The following FBLN1 variants were observed in gnomAD, a reference collection of about 807,000 sequenced individuals.
FBLN1 encodes fibulin 1.
Under a neutral mutation model 89.7 loss-of-function variants are expected in FBLN1, and 34 were observed. That is an observed-to-expected ratio of 0.38 (90% confidence interval 0.29 to 0.50). The LOEUF (loss-of-function observed/expected upper bound fraction) is 0.50. Among genes scored for constraint, FBLN1 ranks in the 20% least tolerant of loss-of-function variants. The pLI, the probability that FBLN1 is intolerant of heterozygous loss-of-function variation, is 0.92. For missense variants in FBLN1, 777 were observed against 988.1 expected, an observed-to-expected ratio of 0.79 and a Z score of 2.86; for synonymous variants, 393 against 391.3, an observed-to-expected ratio of 1.00 and a Z score of -0.05.
rs141827957 is a variant in FBLN1, at chr22:45,507,132, C to T, written c.79+4068C>T. Among the ~76,000 whole-genome samples the T allele has an allele frequency of 4.6e-5, 7 of 152,190 alleles. No individual in the cohort carries two copies. The East Asian group carries it at 1.2e-3, about 25-fold the overall frequency. Reference sequence around the variant, plus strand: ...TCAGGACTGGCTAAGTCATCTGCCACAAGTCACCCAGCGAGGAGCGGGGCT... The same window carrying T: ...TCAGGACTGGCTAAGTCATCTGCCATAAGTCACCCAGCGAGGAGCGGGGCT... On this transcript the variant is annotated intron_variant, in intron 1 of 16. Transcript: ENST00000327858.
intron 14 of FBLN1, among the ~76,000 whole-genome samples, chr22:45,554,764 G>A (rs1337877881): frequency 3.9e-5 from 6 of 152,314 alleles, no homozygotes; most frequent in South Asian, 4.2e-4. Context: ...CTGGGGCTCC[G>A]CACCTGGGCC....
chr22:45,521,864 GA>G (rs1395122304), intron 2 of FBLN1, among the ~76,000 whole-genome samples: 1 of 152,188 alleles, frequency 6.6e-6, no homozygotes, highest in East Asian at 1.9e-4. Context: ...TGAAGGCAGG[GA>G]AGGGATAGGG....
At chr22:45,565,445 G>T in intron 14 of FBLN1, 1 of 414,018 alleles carries the variant, frequency 2.4e-6, no homozygotes, top group Non-Finnish European at 4.2e-6. Flanking sequence ...CTGTCCCCCT[G>T]CAGACTGCCA....
Position 45,528,007 on chromosome 22 carries a change from C to A in FBLN1, c.482C>A (p.Thr161Lys). Residue 161 changes from threonine to lysine, a missense_variant and splice_region_variant, in exon 4 of 17, where the codon ACG becomes AAG. Physicochemically the swap from Thr to Lys is moderately conservative, Grantham distance 78. Coordinates refer to ENST00000327858, the MANE Select transcript of FBLN1 (RefSeq NM_006486.3). ...TTGGATGTCGGGGGCCTCCAAGAAACGGGTAACTTTCCCCCTTCCTTCCCT... is the reference window on the plus strand; with the variant it reads ...TTGGATGTCGGGGGCCTCCAAGAAAAGGGTAACTTTCCCCCTTCCTTCCCT... Reference protein sequence around the residue: ...GDLDVGGLQETDKIIEVEEEQ... With the variant: ...GDLDVGGLQEKDKIIEVEEEQ... 1.2e-6 allele frequency: 2 copies of A among 1,614,192 alleles called. No homozygotes were observed. The highest frequency in any genetic ancestry group is 1.7e-6 in the Non-Finnish European group (2 of 1,180,012).
chr22:45,520,513 A>G (rs2146953196), intron 2 of FBLN1, among the ~76,000 whole-genome samples: 1 of 152,226 alleles, frequency 6.6e-6, no homozygotes, highest in African/African-American at 2.4e-5. Flanking sequence ...TAACTATGTC[A>G]CCCATTTAAA....
chr22:45,594,808 G>C (rs765408752), intron 16 of FBLN1, among the ~76,000 whole-genome samples: 1 of 151,846 alleles, frequency 6.6e-6, no homozygotes, highest in Non-Finnish European at 1.5e-5. Context: ...ATGGATGGAT[G>C]GTTGGATCCA....
At chr22:45,593,562 T>C (rs1479813015) in intron 16 of FBLN1, among the ~76,000 whole-genome samples, 1 of 152,168 alleles carries the variant, frequency 6.6e-6, no homozygotes, top group African/African-American at 2.4e-5. Flanking sequence ...ACTGTGGCCT[T>C]TTTTTTCTTT....
At chr22:45,571,161 C>G (rs1043710828) in intron 14 of FBLN1, among the ~76,000 whole-genome samples, 4 of 116,908 alleles carry the variant, frequency 3.4e-5, no homozygotes, top group Non-Finnish European at 7.5e-5. Flanking sequence ...GAGGGAAAAA[C>G]AAACTATGAA....
At chr22:45,529,133 G>A (rs2238815) in intron 4 of FBLN1, among the ~76,000 whole-genome samples, 23,505 of 152,160 alleles carry the variant, frequency 0.15, 2,370 homozygotes, top group African/African-American at 0.29. Flanking sequence ...AGGGTCTGAT[G>A]CTGAAGATCG....
Position 45,574,939 on chromosome 22 carries a change from G to A in FBLN1, c.1840+286G>A, listed in dbSNP as rs1172120909. 2.0e-5 allele frequency among the ~76,000 whole-genome samples: 3 copies of A among 151,950 alleles called. No homozygotes were observed. Among genetic ancestry groups the A allele is most frequent in the Non-Finnish European group, 2.9e-5 (2 of 67,980 alleles). On this transcript the variant is annotated intron_variant, in intron 15 of 16. Transcript: ENST00000327858. This position sits in a 1 kb window ranked among gnomAD's most constrained non-coding sequence, Gnocchi z 4.1. ...TGGGACTACAGGCGCCCGCCACCAC[G>A]CCTGGCTAATCTTTTTGTATTTTTA...
intron 2 of FBLN1, among the ~76,000 whole-genome samples, chr22:45,523,912 G>A (rs2088285030): frequency 6.6e-6 from 1 of 152,192 alleles, no homozygotes; most frequent in South Asian, 2.1e-4. Flanking sequence ...AATGCACACG[G>A]GTTCCAGCAT....
chr22:45,592,062 C>T (rs946787472), intron 16 of FBLN1, among the ~76,000 whole-genome samples: 1 of 152,204 alleles, frequency 6.6e-6, no homozygotes, highest in Non-Finnish European at 1.5e-5. Flanking sequence ...AAGATCTGGG[C>T]TCTGAGGTCA....
rs76892684 is a variant in FBLN1, at chr22:45,564,507, G to A, written c.1698-10004G>A. On this transcript the variant is annotated intron_variant, in intron 14 of 16. Transcript: ENST00000327858. ...CTCTGCTGCCTCCGGCCCTTGGTAC[G>A]TGCTTTGCACCCTTGGCCTGAATGT... Among the ~76,000 whole-genome samples, 17 of 152,312 alleles carry A rather than the reference G, an allele frequency of 1.1e-4. No individual in the cohort carries two copies. In the South Asian group the frequency reaches 1.7e-3, roughly 15 times the overall value.
chr22:45,552,294 G>T (rs766741856), intron 14 of FBLN1, among the ~76,000 whole-genome samples: 2 of 152,234 alleles, frequency 1.3e-5, no homozygotes, highest in Non-Finnish European at 2.9e-5. Flanking sequence ...TTAGGCAGAA[G>T]CGGCGGGAGT....
In FBLN1 at chr22:45,550,560, G is replaced by A. The variant is rs147123076; in HGVS notation, c.1642G>A (p.Gly548Ser). 5.6e-6 allele frequency: 9 copies of A among 1,614,122 alleles called. No homozygotes were observed. Among genetic ancestry groups the A allele is most frequent in the South Asian group, 4.4e-5 (4 of 91,078 alleles). The change falls in exon 14 of 17, where the codon GGC (glycine) becomes AGC (serine). Residue 548 changes from glycine (G) to serine (S), a missense_variant. Physicochemically the swap from Gly to Ser is moderately conservative, Grantham distance 56. Coordinates refer to ENST00000327858, the MANE Select transcript of FBLN1 (RefSeq NM_006486.3). This position sits in a 1 kb window ranked among gnomAD's most constrained non-coding sequence, Gnocchi z 8.4. ...CGAGACCTGCTTCAACATCCAGGGC[G>A]GCTTCCGCTGCCTGGCCTTCGAGTG... is the stretch of plus-strand genomic sequence containing the variant. ...INETCFNIQG[G>S]FRCLAFECPE...
At position 45,557,977 on chromosome 22, in the gene FBLN1, G is replaced by T; in HGVS notation, c.1697+7362G>T. The T allele has an allele frequency of 1.1e-5, 8 of 703,570 alleles. No individual in the cohort carries two copies. In the South Asian group the frequency reaches 1.2e-4, roughly 11 times the overall value. 43.6% of individuals were successfully genotyped at this position (703,570 alleles called of 1,614,324 possible). A position where few individuals can be genotyped will look rare whatever the true frequency, so the allele number is the denominator to read the frequency against. On this transcript the variant is annotated intron_variant, in intron 14 of 16. Transcript: ENST00000327858. The surrounding 1 kb of genome is among the most constrained non-coding windows in gnomAD (Gnocchi z 4.9). ...TCCTTCAGGGATGTCCTAGAAAGGGGCAGTAGTGCTGCAGCTGTCCACTTT... is the reference window on the plus strand; with the variant it reads ...TCCTTCAGGGATGTCCTAGAAAGGGTCAGTAGTGCTGCAGCTGTCCACTTT...
chr22:45,541,311 G>A lies in FBLN1; in HGVS notation c.1005G>A (p.Gln335=). The A allele has an allele frequency of 6.2e-7, 1 of 1,614,272 alleles. No individual in the cohort carries two copies. The highest frequency in any genetic ancestry group is 8.5e-7 in the Non-Finnish European group (1 of 1,180,038). Residue 335 remains glutamine (Q), a synonymous_variant, in exon 9 of 17, where the codon CAG becomes CAA. Transcript: ENST00000327858. ...ACACAGAGGGCTCCTACACGTGCCAGAAGAACGTGCCCAACTGTGGCCGTG... is the reference window on the plus strand; with the variant it reads ...ACACAGAGGGCTCCTACACGTGCCAAAAGAACGTGCCCAACTGTGGCCGTG... ...CINTEGSYTC[Q]KNVPNCGRGY...
chr22:45,586,414 G>A (rs1415962534), intron 16 of FBLN1, among the ~76,000 whole-genome samples: 1 of 152,216 alleles, frequency 6.6e-6, no homozygotes, highest in Non-Finnish European at 1.5e-5. Flanking sequence ...GGCCTTTTTG[G>A]TGTAGCGCAG....
rs759388787 is a variant in FBLN1, at chr22:45,600,333, G to A, written c.1999G>A (p.Val667Met). 4 of 1,614,026 alleles carry A rather than the reference G, an allele frequency of 2.5e-6. No individual in the cohort carries two copies. Among genetic ancestry groups the A allele is most frequent in the African/African-American group, 2.7e-5 (2 of 74,924 alleles). Residue 667 changes from valine to methionine, a missense_variant, in exon 17 of 17, where the codon GTG (valine) becomes ATG (methionine). By Grantham distance (21) the Val-to-Met change is conservative. Transcript: ENST00000327858. Reference protein sequence around the residue: ...VGVVRQVRPIVGPFHAVLKLE... With the variant: ...VGVVRQVRPIMGPFHAVLKLE... The stretch of plus-strand genomic sequence containing the variant: ...TGTCGTGCGCCAGGTGCGGCCCATC[G>A]TGGGCCCATTTCATGCCGTCCTGAA...
Sources: allele counts gnomAD v4.1 joint callset (sites outside exome capture counted in the v4.1 genomes callset), GRCh38; gene constraint gnomAD v4.1.1; non-coding constraint Gnocchi (gnomAD v3.1); transcripts MANE v1.5; gene names NCBI Gene and HGNC (gene_info 2026-07-23, HGNC 2026-07-21).